Variants in NRXN2 observed in about 807,000 individuals in gnomAD.
NRXN2 encodes neurexin-2-beta.
In NRXN2, 29 loss-of-function variants were observed where a neutral mutation model predicts 128.8. The ratio of observed to expected loss-of-function variants is 0.23; its 90% confidence interval spans 0.17 to 0.31. The LOEUF is 0.31. Among genes scored for constraint, NRXN2 ranks in the 10% least tolerant of loss-of-function variants. The probability of loss-of-function intolerance (pLI) is 1.00; values close to 1 mark genes in which losing one functional copy is unlikely to be tolerated. For missense variants in NRXN2, 1,881 were observed against 2,452.6 expected (o/e 0.77, Z 4.92); for synonymous variants, 1,098 against 1,075.2 (o/e 1.02, Z -0.41).
chr11:64,645,354 T>C (rs2046485433), intron 17 of NRXN2, among the ~76,000 whole-genome samples: 1 of 151,198 alleles, frequency 6.6e-6, no homozygotes, highest in South Asian at 2.1e-4. Flanking sequence ...GGGGGAGATA[T>C]AGAGGGTAAA....
intron 5 of NRXN2, among the ~76,000 whole-genome samples, 197 bp downstream of exon 5, chr11:64,690,208 G>A (rs1277186186): frequency 2.0e-5 from 3 of 152,254 alleles, no homozygotes; most frequent in African/African-American, 7.2e-5. Flanking sequence ...GAAAGAAATG[G>A]AGGTTTGTGG....
intron 21 of NRXN2, among the ~76,000 whole-genome samples, chr11:64,621,235 C>G (rs1250694402): frequency 1.3e-5 from 2 of 152,156 alleles, no homozygotes; most frequent in Non-Finnish European, 2.9e-5. Flanking sequence ...CTTGCCCCCT[C>G]GGCACCAGCC....
rs2057215950 is a variant in NRXN2, at chr11:64,714,312, G to A, written c.-244-369C>T. On this transcript the variant is annotated intron_variant, in intron 1 of 22. Coordinates refer to ENST00000265459, the MANE Select transcript of NRXN2 (RefSeq NM_015080.4). The surrounding 1 kb of genome is among the most constrained non-coding windows in gnomAD (Gnocchi z 4.5). ...GCCTGGGAACTCTCCTCCGCCTGGT[G>A]ACCCCAGCCCCTTCTCTGAACCGCC... Among the ~76,000 whole-genome samples, 1 of 152,094 alleles carries A rather than the reference G, an allele frequency of 6.6e-6. No individual in the cohort carries two copies. The highest frequency in any genetic ancestry group is 1.9e-4 in the East Asian group (1 of 5,186).
At position 64,648,190 on chromosome 11, in the gene NRXN2, A is replaced by G. The variant is rs374886418; in HGVS notation, c.3403+29T>C. On this transcript the variant is annotated intron_variant, in intron 17 of 22. Coordinates refer to ENST00000265459, the MANE Select transcript of NRXN2 (RefSeq NM_015080.4). The surrounding 1 kb of genome is among the most constrained non-coding windows in gnomAD (Gnocchi z 4.1). ...CTGGGAATGGACCCTGGTCTCCCCAAACTGCCCCCAGCCCTCCCAGGCACT... is the reference window on the plus strand; with the variant it reads ...CTGGGAATGGACCCTGGTCTCCCCAGACTGCCCCCAGCCCTCCCAGGCACT... 45 of 1,613,884 alleles carry G rather than the reference A, an allele frequency of 2.8e-5. No individual in the cohort carries two copies. The highest frequency in any genetic ancestry group is 5.3e-5 in the African/African-American group (4 of 74,922).
intron 22 of NRXN2, 138 bp from the exon 23 acceptor site, chr11:64,608,220 G>A: frequency 1.4e-6 from 1 of 706,666 alleles, no homozygotes. Context: ...GAGCGGGCTG[G>A]GCCCGCCCGC....
Position 64,648,362 on chromosome 11 carries a change from C to G in NRXN2, c.3284-24G>C. On this transcript the variant is annotated intron_variant, in intron 16 of 22. Transcript: ENST00000265459. This position sits in a 1 kb window ranked among gnomAD's most constrained non-coding sequence, Gnocchi z 4.1. ...GCCTGGAAGGGGCAGGAGAAAGGAA[C>G]ACCCCTGGCTCAGCCAAGCCCCCTC... 6.2e-7 allele frequency: 1 copy of G among 1,613,924 alleles called. No individual in the cohort carries two copies. The highest frequency in any genetic ancestry group is 8.5e-7 in the Non-Finnish European group (1 of 1,179,910).
intron 21 of NRXN2, 69 bp from the exon 22 acceptor site, chr11:64,620,441 T>G (rs906406462): frequency 3.2e-6 from 4 of 1,254,108 alleles, no homozygotes; most frequent in Admixed American, 4.0e-5. Context: ...CAGCTGCCAC[T>G]TGAGGTGCAC....
chr11:64,658,805 T>A (rs2048623428), intron 11 of NRXN2, among the ~76,000 whole-genome samples: 1 of 151,892 alleles, frequency 6.6e-6, no homozygotes, highest in Admixed American at 6.6e-5. Context: ...GGCGGGTGGA[T>A]CACGAGGCCA....
At chr11:64,720,708 A>T (rs552478263) in intron 1 of NRXN2, among the ~76,000 whole-genome samples, 1 of 152,350 alleles carries the variant, frequency 6.6e-6, no homozygotes, top group Admixed American at 6.5e-5. Context: ...ACACACACAA[A>T]GGCCTGGGGC....
chr11:64,664,210 C>T (rs935819976), intron 9 of NRXN2, among the ~76,000 whole-genome samples: 3 of 152,188 alleles, frequency 2.0e-5, no homozygotes, highest in Admixed American at 1.3e-4. Flanking sequence ...GGCATGGTGG[C>T]TCACGCCTGT....
intron 2 of NRXN2, among the ~76,000 whole-genome samples, chr11:64,701,049 G>C (rs577854009): frequency 6.6e-6 from 1 of 152,098 alleles, no homozygotes; most frequent in African/African-American, 2.4e-5. Flanking sequence ...CACCGGCACC[G>C]CCCAGGCCAG....
Position 64,631,703 on chromosome 11 carries a change from G to C in NRXN2, c.3586-1130C>G, listed in dbSNP as rs573342722. ...TTCAAAGCCAGTGTTCTCTCCCTTT[G>C]CCCACCAGTCTAGGAAGACCCTGAC... On this transcript the variant is annotated intron_variant, in intron 18 of 22. Coordinates refer to ENST00000265459, the MANE Select transcript of NRXN2 (RefSeq NM_015080.4). The surrounding 1 kb of genome is among the most constrained non-coding windows in gnomAD (Gnocchi z 4.8). Among the ~76,000 whole-genome samples, 3 of 152,120 alleles carry C rather than the reference G, an allele frequency of 2.0e-5. No individual in the cohort carries two copies. Among genetic ancestry groups the C allele is most frequent in the Non-Finnish European group, 4.4e-5 (3 of 67,978 alleles).
At chr11:64,697,426 T>C (rs138161661) in intron 3 of NRXN2, among the ~76,000 whole-genome samples, 99 of 152,244 alleles carry the variant, frequency 6.5e-4, no homozygotes, top group African/African-American at 2.2e-3. Context: ...GCTTCCTAAC[T>C]TAGGCTGGGC....
At chr11:64,647,208 TG>T (rs1555043926) in intron 17 of NRXN2, among the ~76,000 whole-genome samples, 1 of 60,600 alleles carries the variant, frequency 1.7e-5, no homozygotes, top group African/African-American at 1.5e-4. Flanking sequence ...GACGCTTCGT[TG>T]TGTGTGTGTG....
intron 17 of NRXN2, among the ~76,000 whole-genome samples, chr11:64,642,019 A>G (rs2045751169): frequency 6.6e-6 from 1 of 152,092 alleles, no homozygotes; most frequent in African/African-American, 2.4e-5. Flanking sequence ...TCAAGGAGGA[A>G]GAGACATGTC....
At chr11:64,647,803 G>C (rs1216961828) in intron 17 of NRXN2, among the ~76,000 whole-genome samples, 1 of 152,348 alleles carries the variant, frequency 6.6e-6, no homozygotes, top group South Asian at 2.1e-4. Flanking sequence ...AGGGGGTGCA[G>C]ATTGTTAACA....
At chr11:64,676,573 A>G in intron 7 of NRXN2, 1 of 204,448 alleles carries the variant, frequency 4.9e-6, no homozygotes, top group Non-Finnish European at 9.9e-6. Flanking sequence ...TCAGGAGACC[A>G]AGAAACTAAA....
intron 17 of NRXN2, among the ~76,000 whole-genome samples, chr11:64,636,986 G>C (rs1417334143): frequency 6.6e-6 from 1 of 152,126 alleles, no homozygotes; most frequent in Non-Finnish European, 1.5e-5. Flanking sequence ...TGCAGGCCCA[G>C]GGAGGTGCTG....
In NRXN2 at chr11:64,607,735, G is replaced by T. The variant is rs1215680562; in HGVS notation, c.4600C>A (p.Pro1534Thr). The T allele has an allele frequency of 1.9e-6, 3 of 1,572,610 alleles. No homozygotes were observed. Among genetic ancestry groups the T allele is most frequent in the African/African-American group, 2.7e-5 (2 of 73,840 alleles). ...CCATCTGTCCTGAGGTTGGGCCGGG[G>T]AGCGGGTTTGCGGGGTGACAGGAGG... ...TTLLSPRKPA[P>T]RPNLRTDGAT... The change falls in exon 23 of 23, where the codon CCC (proline) becomes ACC (threonine). Residue 1534 changes from proline (P) to threonine (T), a missense_variant. Coordinates refer to ENST00000265459, the MANE Select transcript of NRXN2 (RefSeq NM_015080.4).
Sources: allele counts gnomAD v4.1 joint callset (sites outside exome capture counted in the v4.1 genomes callset), GRCh38; gene constraint gnomAD v4.1.1; non-coding constraint Gnocchi (gnomAD v3.1); transcripts MANE v1.5; gene names NCBI Gene and HGNC (gene_info 2026-07-23, HGNC 2026-07-21).